The following CTXND2 variants were observed in gnomAD, a reference collection of about 807,000 sequenced individuals.
CTXND2 encodes the protein cortexin domain containing 2.
At chr1:150,890,310 A>C (rs1571596343) in intron 1 of CTXND2, among the ~76,000 whole-genome samples, 1 of 152,220 alleles carries the variant, frequency 6.6e-6, no homozygotes, top group Non-Finnish European at 1.5e-5. Context: ...GTGAAGCTGT[A>C]CTAAGAAGAC....
chr1:150,904,270 T>A (rs1669097913), intron 1 of CTXND2: 1 of 491,978 alleles, frequency 2.0e-6, no homozygotes, highest in South Asian at 1.6e-5. Flanking sequence ...TTTTCATGTG[T>A]ACCATACTTT....
At chr1:150,903,071 A>G (rs951822090) in intron 1 of CTXND2, among the ~76,000 whole-genome samples, 1 of 151,992 alleles carries the variant, frequency 6.6e-6, no homozygotes, top group African/African-American at 2.4e-5. Context: ...CCTGCTATCT[A>G]TTGTTTTATT....
At chr1:150,904,433 CT>C (rs2102601376) in intron 1 of CTXND2, among the ~76,000 whole-genome samples, 1 of 152,334 alleles carries the variant, frequency 6.6e-6, no homozygotes, top group South Asian at 2.1e-4. Context: ...AATGCTATCA[CT>C]GTTTACCCCT....
At chr1:150,905,826 TA>T (rs775981211) in intron 1 of CTXND2, among the ~76,000 whole-genome samples, 103 of 151,906 alleles carry the variant, frequency 6.8e-4, no homozygotes, top group Admixed American at 1.4e-3. Flanking sequence ...CCATCTTTAC[TA>T]AAAATACAAA....
At chr1:150,900,363 G>A (rs1668988024) in intron 1 of CTXND2, among the ~76,000 whole-genome samples, 1 of 152,036 alleles carries the variant, frequency 6.6e-6, no homozygotes, top group South Asian at 2.1e-4. Flanking sequence ...CCACTGGAAG[G>A]AAGAAAGTCC....
At chr1:150,906,586 A>G (rs1354593820) in intron 1 of CTXND2, among the ~76,000 whole-genome samples, 1 of 152,176 alleles carries the variant, frequency 6.6e-6, no homozygotes, top group African/African-American at 2.4e-5. Flanking sequence ...TGAGTTTTTA[A>G]CCTGTGCAAA....
At chr1:150,898,601 C>T (rs975647555) in intron 1 of CTXND2, among the ~76,000 whole-genome samples, 1 of 151,162 alleles carries the variant, frequency 6.6e-6, no homozygotes, top group African/African-American at 2.4e-5. Context: ...ACTAAAAATA[C>T]AAAAATTAGC....
chr1:150,900,674 G>A (rs961775783), intron 1 of CTXND2, among the ~76,000 whole-genome samples: 13 of 151,516 alleles, frequency 8.6e-5, no homozygotes, highest in East Asian at 1.9e-4. Context: ...AAACCCTGAC[G>A]AATAGTGAGA....
chr1:150,892,565 G>A (rs1482891549), intron 1 of CTXND2, among the ~76,000 whole-genome samples: 3 of 134,026 alleles, frequency 2.2e-5, no homozygotes, highest in South Asian at 2.3e-4. Context: ...ACAGGGCCTC[G>A]CTTTATCATC....
At chr1:150,907,741 G>A (rs1441450982) in intron 1 of CTXND2, among the ~76,000 whole-genome samples, 3 of 111,570 alleles carry the variant, frequency 2.7e-5, no homozygotes, top group Admixed American at 2.7e-4. Flanking sequence ...ACGGAGTCTC[G>A]CACTCTCACC....
At chr1:150,899,662 C>CA (rs1668966185) in intron 1 of CTXND2, among the ~76,000 whole-genome samples, 1 of 151,898 alleles carries the variant, frequency 6.6e-6, no homozygotes, top group African/African-American at 2.4e-5. Context: ...GCACCACAAA[C>CA]AAAAACAAAA....
chr1:150,897,162 G>C (rs1402069791), intron 1 of CTXND2, among the ~76,000 whole-genome samples: 1 of 152,140 alleles, frequency 6.6e-6, no homozygotes, highest in Non-Finnish European at 1.5e-5. Flanking sequence ...AACAGATTTT[G>C]ATCAGATGAC....
At chr1:150,899,610 T>C (rs1465688445) in intron 1 of CTXND2, among the ~76,000 whole-genome samples, 2 of 152,048 alleles carry the variant, frequency 1.3e-5, no homozygotes, top group African/African-American at 4.8e-5. Context: ...CAAAAATAAA[T>C]TTCATTATGT....
chr1:150,907,130 T>C (rs949391601), intron 1 of CTXND2, among the ~76,000 whole-genome samples: 1 of 152,220 alleles, frequency 6.6e-6, no homozygotes, highest in African/African-American at 2.4e-5. Context: ...CTAAATCCTC[T>C]ATAAGATTAG....
At chr1:150,892,516 A>ATTC (rs928332859) in intron 1 of CTXND2, among the ~76,000 whole-genome samples, 29 of 141,618 alleles carry the variant, frequency 2.0e-4, no homozygotes, top group Non-Finnish European at 3.2e-4. Context: ...AGAATGTCTT[A>ATTC]TTCTTCTTCT....
At chr1:150,887,370 G>T (rs587725566) in intron 1 of CTXND2, 57 bp downstream of exon 1, 2 of 152,262 alleles carry the variant, frequency 1.3e-5, no homozygotes, top group East Asian at 1.9e-4. Context: ...GAAATTCCAA[G>T]AATTCTTCTG....
At chr1:150,900,206 T>C (rs1001288629) in intron 1 of CTXND2, among the ~76,000 whole-genome samples, 11 of 151,980 alleles carry the variant, frequency 7.2e-5, no homozygotes, top group African/African-American at 2.7e-4. Context: ...ATACTCACCG[T>C]GAAGGTCTGT....
intron 1 of CTXND2, among the ~76,000 whole-genome samples, chr1:150,899,773 A>T (rs1433455730): frequency 6.6e-6 from 1 of 152,192 alleles, no homozygotes. Flanking sequence ...CCTGACCTAC[A>T]TGATGAAACC....
intron 1 of CTXND2, among the ~76,000 whole-genome samples, chr1:150,900,175 G>C (rs1410546463): frequency 6.6e-6 from 1 of 152,112 alleles, no homozygotes; most frequent in African/African-American, 2.4e-5. Flanking sequence ...CTTTGGGTCT[G>C]CACTACCTTT....
Sources: allele counts gnomAD v4.1 joint callset (sites outside exome capture counted in the v4.1 genomes callset), GRCh38; gene constraint gnomAD v4.1.1; transcripts MANE v1.5; gene names NCBI Gene and HGNC (gene_info 2026-07-23, HGNC 2026-07-21).